RPTOR: variants seen among roughly 807,000 people sequenced by gnomAD.
RPTOR encodes regulatory associated protein of MTOR complex 1, also known as regulatory-associated protein of mTOR.
A neutral mutation model predicts 169.9 loss-of-function variants in RPTOR; 21 were observed. That is an observed-to-expected ratio of 0.12 (90% CI 0.09 to 0.18). The LOEUF (loss-of-function observed/expected upper bound fraction) is 0.18. RPTOR is among the 10% of genes least tolerant of loss of function. The pLI is 1.00. For synonymous variants in RPTOR, 732 were observed against 753.2 expected, an observed-to-expected ratio of 0.97 and a Z score of 0.46; for missense variants, 1,133 against 1,855.9, an observed-to-expected ratio of 0.61 and a Z score of 7.16.
At chr17:80,783,804 CGGAG>C (rs1311874280) in intron 6 of RPTOR, among the ~76,000 whole-genome samples, 2 of 152,214 alleles carry the variant, frequency 1.3e-5, no homozygotes, top group African/African-American at 2.4e-5. Flanking sequence ...TTCTGTAGCA[CGGAG>C]GGCCACTATG....
chr17:80,585,437 C>T (rs1049053204), intron 1 of RPTOR, among the ~76,000 whole-genome samples: 1 of 152,124 alleles, frequency 6.6e-6, no homozygotes, highest in Admixed American at 6.5e-5. Context: ...AACTCCTGAC[C>T]TCATGATCCA....
intron 1 of RPTOR, among the ~76,000 whole-genome samples, chr17:80,589,506 TTTGA>T (rs2065088240): frequency 2.0e-5 from 3 of 152,236 alleles, no homozygotes; most frequent in Non-Finnish European, 2.9e-5. Context: ...ATATTGAGGC[TTTGA>T]TTGTGATTTA....
At chr17:80,661,130 C>T (rs141900504) in intron 3 of RPTOR, among the ~76,000 whole-genome samples, 9 of 152,308 alleles carry the variant, frequency 5.9e-5, no homozygotes, top group East Asian at 1.9e-4. Flanking sequence ...CCCCTGAGCA[C>T]GGGACCAGGA....
intron 25 of RPTOR, among the ~76,000 whole-genome samples, chr17:80,942,413 A>G (rs1421799453): frequency 6.7e-6 from 1 of 149,920 alleles, no homozygotes; most frequent in African/African-American, 2.5e-5. Flanking sequence ...TTTCTAGACC[A>G]AAAAAAAGAA....
intron 3 of RPTOR, among the ~76,000 whole-genome samples, chr17:80,678,516 T>C (rs965469591): frequency 5.3e-5 from 8 of 152,230 alleles, no homozygotes; most frequent in South Asian, 4.1e-4. Context: ...TAAGACCTAA[T>C]GGTCGGGCAT....
intron 3 of RPTOR, among the ~76,000 whole-genome samples, chr17:80,661,931 G>A (rs1379183075): frequency 1.3e-5 from 2 of 152,142 alleles, no homozygotes; most frequent in African/African-American, 4.8e-5. Context: ...ATTTAGAGGT[G>A]TACAGAAAGG....
intron 6 of RPTOR, among the ~76,000 whole-genome samples, chr17:80,777,487 T>C (rs1326091951): frequency 2.0e-5 from 3 of 152,190 alleles, no homozygotes; most frequent in Non-Finnish European, 4.4e-5. Context: ...TGTTCCGCTT[T>C]GCATCTCCCT....
chr17:80,640,304 A>G (rs1163965512), intron 2 of RPTOR, among the ~76,000 whole-genome samples: 1 of 152,238 alleles, frequency 6.6e-6, no homozygotes, highest in South Asian at 2.1e-4. Flanking sequence ...TTCACCCCAC[A>G]TCAGACTGAT....
chr17:80,787,498 T>A (rs981502725), intron 6 of RPTOR, among the ~76,000 whole-genome samples: 2 of 152,252 alleles, frequency 1.3e-5, no homozygotes, highest in African/African-American at 4.8e-5. Flanking sequence ...CTTTTCTGTG[T>A]GTTCTTTTGA....
chr17:80,870,854 TACA>T (rs1281798045), intron 13 of RPTOR, among the ~76,000 whole-genome samples: 4 of 152,276 alleles, frequency 2.6e-5, no homozygotes, highest in South Asian at 2.1e-4. Context: ...CTTCTATTAG[TACA>T]ACATGTTTGA....
At chr17:80,737,861 A>G (rs970587650) in intron 5 of RPTOR, among the ~76,000 whole-genome samples, 3 of 148,392 alleles carry the variant, frequency 2.0e-5, no homozygotes, top group African/African-American at 7.6e-5. Flanking sequence ...GGAGAAGTGC[A>G]TTTTTCATTT....
chr17:80,584,066 G>A (rs770209185), intron 1 of RPTOR, among the ~76,000 whole-genome samples: 7 of 152,308 alleles, frequency 4.6e-5, no homozygotes, highest in East Asian at 1.9e-4. Context: ...GGGGCATGGC[G>A]CAGGGGGACC....
chr17:80,574,653 C>G (rs1416175720), intron 1 of RPTOR, among the ~76,000 whole-genome samples: 4 of 151,768 alleles, frequency 2.6e-5, no homozygotes, highest in African/African-American at 9.7e-5. Flanking sequence ...TGCGTCCACT[C>G]TTTTTTGTTG....
At chr17:80,687,121 A>T (rs1202190930) in intron 3 of RPTOR, among the ~76,000 whole-genome samples, 1 of 152,174 alleles carries the variant, frequency 6.6e-6, no homozygotes, top group Non-Finnish European at 1.5e-5. Flanking sequence ...TCTGCAGGCA[A>T]AGTGCTAATG....
chr17:80,551,322 A>AG (rs1449822534), intron 1 of RPTOR, among the ~76,000 whole-genome samples: 1 of 152,208 alleles, frequency 6.6e-6, no homozygotes. Context: ...AAGGGGACCC[A>AG]GGGAACCAGC....
intron 10 of RPTOR, among the ~76,000 whole-genome samples, chr17:80,841,768 C>T (rs1286376015): frequency 1.4e-5 from 2 of 142,514 alleles, no homozygotes; most frequent in East Asian, 2.2e-4. Flanking sequence ...TCACTCTCCC[C>T]GCACGGCAGC....
At chr17:80,765,066 G>A (rs1215534507) in intron 6 of RPTOR, among the ~76,000 whole-genome samples, 5 of 152,168 alleles carry the variant, frequency 3.3e-5, no homozygotes, top group Admixed American at 3.3e-4. Flanking sequence ...TTGCCTTAAA[G>A]AGCCAGGGGA....
intron 1 of RPTOR, among the ~76,000 whole-genome samples, chr17:80,618,094 C>T (rs2065326252): frequency 6.6e-6 from 1 of 152,072 alleles, no homozygotes; most frequent in African/African-American, 2.4e-5. Flanking sequence ...AGTTCTCCCA[C>T]CTCAGCCTCC....
chr17:80,597,357 A>G (rs766418892), intron 1 of RPTOR, among the ~76,000 whole-genome samples: 15 of 152,168 alleles, frequency 9.9e-5, no homozygotes, highest in Non-Finnish European at 1.3e-4. Context: ...GAGTGTCTGC[A>G]TGGCTTGGGT....
Sources: allele counts gnomAD v4.1 joint callset (sites outside exome capture counted in the v4.1 genomes callset), GRCh38; gene constraint gnomAD v4.1.1; transcripts MANE v1.5; gene names NCBI Gene and HGNC (gene_info 2026-07-23, HGNC 2026-07-21).